Variants in ZNF850 observed in about 807,000 individuals in gnomAD.
The protein encoded by ZNF850 is zinc finger protein 850, also known as putative zinc finger protein ENSP00000330994.
In ZNF850, 2 loss-of-function variants were observed where a neutral mutation model predicts 11.9. That is an observed-to-expected ratio of 0.17 (90% confidence interval 0.07 to 0.53). The LOEUF (loss-of-function observed/expected upper bound fraction) is 0.53. Among genes scored for constraint, ZNF850 ranks in the 20% least tolerant of loss-of-function variants. The pLI is 0.94. For synonymous variants in ZNF850, 381 were observed against 443.0 expected (o/e 0.86, Z 1.76); for missense variants, 1,014 against 1,316.4 (o/e 0.77, Z 3.55).
rs2040413898 is a variant in ZNF850, at chr19:36,746,783, TAGAC to T, written c.*980_*983del. On this transcript the variant is annotated 3_prime_UTR_variant, in exon 5 of 5. Transcript: ENST00000591344. ...TTATGGGCTAAAGTAGACAGGGAAA[TAGAC>T]AGGGAAGGCGAAGCTTAAAACAAAG... 1 of 152,222 alleles carries T rather than the reference TAGAC, an allele frequency of 6.6e-6. No homozygotes were observed. Among genetic ancestry groups the T allele is most frequent in the Non-Finnish European group, 1.5e-5 (1 of 68,022 alleles). The allele number at this position is 152,222 out of a possible 1,614,324, so 9.4% of individuals were successfully genotyped here.
intron 4 of ZNF850, among the ~76,000 whole-genome samples, chr19:36,756,659 G>A (rs568068762): frequency 6.6e-5 from 10 of 151,998 alleles, no homozygotes; most frequent in Admixed American, 1.3e-4. Flanking sequence ...TGTTGCCTAG[G>A]CTGGAGTACA....
intron 1 of ZNF850, 69 bp from the exon 2 acceptor site, chr19:36,762,744 G>A: frequency 1.1e-6 from 1 of 870,878 alleles, no homozygotes; most frequent in Non-Finnish European, 1.8e-6. Context: ...AAAGCACACA[G>A]CAAGCTGTAG....
Position 36,750,650 on chromosome 19 carries a change from T to G in ZNF850, c.390A>C (p.Gln130His). ...CCAAATATCGCTCCTGATTTATATC[T>G]TGGTGCTGAAACTGGCCTTTGCATT... ...DWECKGQFQHQDINQERYLEK... is the reference protein window; with the variant it reads ...DWECKGQFQHHDINQERYLEK... Residue 130 changes from glutamine (Q) to histidine (H), a missense_variant, in exon 5 of 5, where the codon CAA becomes CAC. Around this residue, in one of 2 missense-constraint regions of ZNF850, gnomAD observed 835 missense variants for 1,022.0 expected, o/e 0.82. Transcript: ENST00000591344. 6.5e-7 allele frequency: 1 copy of G among 1,536,158 alleles called. No homozygotes were observed. Among genetic ancestry groups the G allele is most frequent in the Non-Finnish European group, 8.7e-7 (1 of 1,146,924 alleles).
rs751647851 is a variant in ZNF850, at chr19:36,748,516, T to G, written c.2524A>C (p.Ser842Arg). Residue 842 changes from serine (S) to arginine (R), a missense_variant, in exon 5 of 5, where the codon AGT becomes CGT. Physicochemically the swap from Ser to Arg is moderately radical, Grantham distance 110 (BLOSUM62 -1). Around this residue, in one of 2 missense-constraint regions of ZNF850, gnomAD observed 835 missense variants for 1,022.0 expected, o/e 0.82. Transcript: ENST00000591344. ...RPVHTGEKRY[S>R]CKECGKSFTS... is the part of the protein sequence containing the mutation. ...AAAGATTTCCCACATTCTTTACAACTGTAGCGTTTCTCACCAGTGTGAACT... is the reference window on the plus strand; with the variant it reads ...AAAGATTTCCCACATTCTTTACAACGGTAGCGTTTCTCACCAGTGTGAACT... The G allele has an allele frequency of 2.0e-4, 300 of 1,536,228 alleles. No homozygotes were observed. Among genetic ancestry groups the G allele is most frequent in the Non-Finnish European group, 2.6e-4 (296 of 1,146,670 alleles).
At chr19:36,753,927 A>G (rs1395803115) in intron 4 of ZNF850, among the ~76,000 whole-genome samples, 1 of 152,122 alleles carries the variant, frequency 6.6e-6, no homozygotes, top group Non-Finnish European at 1.5e-5. Flanking sequence ...AGATTTTTTT[A>G]AAACCTCAAA....
intron 1 of ZNF850, among the ~76,000 whole-genome samples, chr19:36,766,419 A>G (rs762816404): frequency 1.3e-4 from 20 of 152,222 alleles, no homozygotes; most frequent in Non-Finnish European, 1.5e-4. Flanking sequence ...TGTTTTCCAT[A>G]CACAGAACAA....
Position 36,748,485 on chromosome 19 carries a change from GAAGT to G in ZNF850, c.2551_2554del (p.Thr851LeufsTer5), listed in dbSNP as rs1273724533. 1.3e-6 allele frequency: 2 copies of G among 1,541,084 alleles called. No homozygotes were observed. Among genetic ancestry groups the G allele is most frequent in the Non-Finnish European group, 1.7e-6 (2 of 1,148,232 alleles). ...CTGATGTTCAATTAGTGTTGAGCGA[GAAGT>G]AAAAGATTTCCCACATTCTTTACAA... On this transcript the variant is annotated frameshift_variant, in exon 5 of 5. Transcript: ENST00000591344. LOFTEE classifies it low-confidence loss of function (END_TRUNC).
rs2040414319 is a variant in ZNF850, at chr19:36,746,869, C to G, written c.*898G>C. On this transcript the variant is annotated 3_prime_UTR_variant, in exon 5 of 5. Transcript: ENST00000591344. ...CTTATTTATTATAAAAAAACTATTA[C>G]TAGCCAGGCGTGGTGGCTCACACCT... The G allele has an allele frequency of 6.6e-6, 1 of 151,964 alleles. No homozygotes were observed. The highest frequency in any genetic ancestry group is 1.5e-5 in the Non-Finnish European group (1 of 67,988). 9.4% of individuals were successfully genotyped at this position (151,964 alleles called of 1,614,324 possible). A position where few individuals can be genotyped will look rare whatever the true frequency, so the allele number is the denominator to read the frequency against.
chr19:36,751,065 TA>T (rs34721047), intron 4 of ZNF850, among the ~76,000 whole-genome samples: 1,143 of 89,404 alleles, frequency 0.013, 11 homozygotes, highest in African/African-American at 0.042. Flanking sequence ...GACCCTGTCT[TA>T]AAAAAAAAAA....
intron 4 of ZNF850, among the ~76,000 whole-genome samples, chr19:36,758,357 A>T (rs2145962594): frequency 6.6e-6 from 1 of 152,296 alleles, no homozygotes; most frequent in Non-Finnish European, 1.5e-5. Flanking sequence ...ATGGATTAAA[A>T]ATTGTATCAT....
chr19:36,768,876 C>G (rs556491346), intron 1 of ZNF850, among the ~76,000 whole-genome samples: 1 of 151,772 alleles, frequency 6.6e-6, no homozygotes, highest in African/African-American at 2.4e-5. Flanking sequence ...GTGGGAGGAT[C>G]CCTTCAGCCC....
rs546048680 is a variant in ZNF850, at chr19:36,765,742, G to A, written c.-69-3067C>T. ...TGGGATTACAGGCATGTGCCACCAC[G>A]CCTGGCTAATTTGGTATTTTTAGTA... On this transcript the variant is annotated intron_variant, in intron 1 of 4. Coordinates refer to ENST00000591344, the MANE Select transcript of ZNF850 (RefSeq NM_001193552.2). 7.9e-5 allele frequency among the ~76,000 whole-genome samples: 12 copies of A among 151,326 alleles called. No individual in the cohort carries two copies. The East Asian group carries it at 2.0e-3, about 25-fold the overall frequency.
chr19:36,761,136 G>A (rs900791840), intron 4 of ZNF850, among the ~76,000 whole-genome samples: 2 of 151,878 alleles, frequency 1.3e-5, no homozygotes, highest in African/African-American at 2.4e-5. Context: ...GACTGAAGAG[G>A]TGGAAGTAAA....
Position 36,749,407 on chromosome 19 carries a change from G to T in ZNF850, c.1633C>A (p.Arg545Ser). The T allele has an allele frequency of 6.5e-7, 1 of 1,545,978 alleles. No homozygotes were observed. The highest frequency in any genetic ancestry group is 8.7e-7 in the Non-Finnish European group (1 of 1,150,900). The change falls in exon 5 of 5, where the codon CGC (arginine) becomes AGC (serine). Residue 545 changes from arginine (R) to serine (S), a missense_variant. Physicochemically the swap from Arg to Ser is moderately radical, Grantham distance 110. Transcript: ENST00000591344. ...CKECGKSFTF[R>S]SGLIGHQAVH... ...GCCTGATGTCCAATTAGCCCTGAGC[G>T]AAAAGTAAAAGATTTTCCACATTCC...
chr19:36,744,131 C>T lies in ZNF850; in HGVS notation c.*3636G>A, dbSNP rs1437858542. On this transcript the variant is annotated 3_prime_UTR_variant, in exon 5 of 5. Coordinates refer to ENST00000591344, the MANE Select transcript of ZNF850 (RefSeq NM_001193552.2). The stretch of plus-strand genomic sequence containing the variant: ...GGCAGAGGTTGCGGTAAGCCGAGAT[C>T]GTGCCATTGCACTCCAGCCTGGGCA... 11 of 151,186 alleles carry T rather than the reference C, an allele frequency of 7.3e-5. No individual in the cohort carries two copies. Among genetic ancestry groups the T allele is most frequent in the Non-Finnish European group, 1.2e-4 (8 of 68,018 alleles). 9.4% of individuals were successfully genotyped at this position (151,186 alleles called of 1,614,324 possible). A position where few individuals can be genotyped will look rare whatever the true frequency, so the allele number is the denominator to read the frequency against.
chr19:36,761,603 A>G, intron 4 of ZNF850, 40 bp downstream of exon 4: 1 of 1,245,314 alleles, frequency 8.0e-7, no homozygotes, highest in Non-Finnish European at 1.1e-6. Flanking sequence ...GCTGGCTTCT[A>G]AACAGCAGTG....
At chr19:36,772,572 GCA>G (rs1487572265) in intron 1 of ZNF850, among the ~76,000 whole-genome samples, 151 bp downstream of exon 1, 1 of 151,992 alleles carries the variant, frequency 6.6e-6, no homozygotes, top group East Asian at 1.9e-4. Flanking sequence ...CTCCGGGCGC[GCA>G]CAGTCACAAG....
chr19:36,755,681 G>C (rs896019384), intron 4 of ZNF850, among the ~76,000 whole-genome samples: 2 of 149,042 alleles, frequency 1.3e-5, no homozygotes, highest in African/African-American at 4.9e-5. Context: ...GAAAGAGAGA[G>C]CACTTCGCAA....
chr19:36,763,927 G>A (rs1046242269), intron 1 of ZNF850, among the ~76,000 whole-genome samples: 1 of 151,716 alleles, frequency 6.6e-6, no homozygotes, highest in African/African-American at 2.4e-5. Flanking sequence ...ACCAGAGCAA[G>A]ATCCTGTCTC....
Sources: allele counts gnomAD v4.1 joint callset (sites outside exome capture counted in the v4.1 genomes callset), GRCh38; gene constraint gnomAD v4.1.1; regional missense constraint gnomAD v4.1.1; transcripts MANE v1.5; gene names NCBI Gene and HGNC (gene_info 2026-07-23, HGNC 2026-07-21).